RASGRP1: variants seen among roughly 807,000 people sequenced by gnomAD.
The protein encoded by RASGRP1 is RAS guanyl-releasing protein 1.
Under a neutral mutation model 95.1 loss-of-function variants are expected in RASGRP1, and 37 were observed. The observed-to-expected ratio is 0.39, with a 90% CI of 0.30 to 0.51. The LOEUF is 0.51. Ranked by LOEUF, RASGRP1 falls within the 20% of genes least tolerant of loss-of-function variation. The pLI is 0.80. For missense variants in RASGRP1, 711 were observed against 965.4 expected (o/e 0.74, Z 3.49); for synonymous variants, 325 against 353.4 (o/e 0.92, Z 0.90).
intron 3 of RASGRP1, among the ~76,000 whole-genome samples, chr15:38,522,274 C>T (rs989393585): frequency 6.6e-6 from 1 of 152,110 alleles, no homozygotes; most frequent in Non-Finnish European, 1.5e-5. Context: ...TTTTTCAGTA[C>T]CCTTGCAATC....
intron 13 of RASGRP1, among the ~76,000 whole-genome samples, chr15:38,500,845 G>A (rs1452363374): frequency 1.4e-4 from 22 of 152,182 alleles, no homozygotes; most frequent in Admixed American, 1.3e-3. Context: ...TATCTCATAT[G>A]TCTTTGTTAT....
At chr15:38,500,725 C>T (rs1890980599) in intron 13 of RASGRP1, among the ~76,000 whole-genome samples, 1 of 152,066 alleles carries the variant, frequency 6.6e-6, no homozygotes, top group Non-Finnish European at 1.5e-5. Context: ...GGACTCCAAA[C>T]TGAGAAGGAT....
At chr15:38,513,367 T>C (rs115088209) in intron 6 of RASGRP1, among the ~76,000 whole-genome samples, 2 of 152,320 alleles carry the variant, frequency 1.3e-5, no homozygotes, top group African/African-American at 4.8e-5. Flanking sequence ...TCCCCAGCTG[T>C]TTTCTTACCT....
At chr15:38,502,464 G>C in intron 11 of RASGRP1, 43 bp from the exon 12 acceptor site, 4 of 1,228,480 alleles carry the variant, frequency 3.3e-6, no homozygotes, top group Non-Finnish European at 4.7e-6. Context: ...AAGAGAAACC[G>C]GTCTTCTCTC....
In RASGRP1 at chr15:38,503,199, C is replaced by G. The variant is rs1175664956; in HGVS notation, c.1428+73G>C. On this transcript the variant is annotated intron_variant, in intron 11 of 16. Transcript: ENST00000310803. Reference sequence around the variant, plus strand: ...TACATTTCCACCATTGTGCTTTCCTCTCCCTTTACCCCACATACAAAACTG... The same window carrying G: ...TACATTTCCACCATTGTGCTTTCCTGTCCCTTTACCCCACATACAAAACTG... 59 of 1,224,204 alleles carry G rather than the reference C, an allele frequency of 4.8e-5. 1 individual carries two copies. In the East Asian group the frequency reaches 1.4e-3, roughly 30 times the overall value. 75.8% of individuals were successfully genotyped at this position (1,224,204 alleles called of 1,614,324 possible). A position where few individuals can be genotyped will look rare whatever the true frequency, so the allele number is the denominator to read the frequency against.
intron 6 of RASGRP1, among the ~76,000 whole-genome samples, chr15:38,514,857 TTC>T (rs1891695815): frequency 6.6e-6 from 1 of 152,146 alleles, no homozygotes. Context: ...GAGCTCAGAT[TTC>T]CTGTGTGATA....
intron 2 of RASGRP1, chr15:38,534,402 T>C (rs1367891542): frequency 6.6e-6 from 1 of 152,012 alleles, no homozygotes; most frequent in Admixed American, 6.5e-5. Context: ...CAGCCTGCCA[T>C]ATAGTTAGAC....
chr15:38,548,057 T>C (rs1433450340), intron 2 of RASGRP1, among the ~76,000 whole-genome samples: 3 of 151,752 alleles, frequency 2.0e-5, no homozygotes, highest in African/African-American at 7.3e-5. Flanking sequence ...TGACACGAGA[T>C]GTCAAGTACA....
intron 2 of RASGRP1, among the ~76,000 whole-genome samples, 166 bp from the exon 3 acceptor site, chr15:38,526,570 A>G (rs1030043017): frequency 2.6e-5 from 4 of 152,042 alleles, no homozygotes; most frequent in East Asian, 1.9e-4. Context: ...CTCCTGCTAC[A>G]TTCTTCCCTT....
intron 2 of RASGRP1, among the ~76,000 whole-genome samples, chr15:38,559,527 G>A (rs1219057141): frequency 1.3e-5 from 2 of 152,168 alleles, no homozygotes; most frequent in Non-Finnish European, 2.9e-5. Context: ...AGCACCAGAT[G>A]CACAATATCA....
intron 8 of RASGRP1, among the ~76,000 whole-genome samples, chr15:38,511,337 C>G (rs1360320020): frequency 6.6e-6 from 1 of 152,146 alleles, no homozygotes; most frequent in East Asian, 1.9e-4. Flanking sequence ...GGCCTATGAA[C>G]ATGGGAAGAG....
intron 1 of RASGRP1, 104 bp from the exon 2 acceptor site, chr15:38,560,109 C>T (rs1391364076): frequency 2.7e-6 from 3 of 1,116,466 alleles, no homozygotes; most frequent in East Asian, 2.6e-5. Flanking sequence ...ATCTCAGGAG[C>T]TGGGCTGATA....
chr15:38,491,862 C>A (rs1890597924), intron 16 of RASGRP1, among the ~76,000 whole-genome samples: 1 of 152,168 alleles, frequency 6.6e-6, no homozygotes. Flanking sequence ...AGTAGGAATT[C>A]TAATCTTTCT....
At chr15:38,518,481 G>T (rs989474369) in intron 4 of RASGRP1, 58 bp from the exon 5 acceptor site, 5 of 1,548,086 alleles carry the variant, frequency 3.2e-6, no homozygotes, top group Non-Finnish European at 4.4e-6. Flanking sequence ...CTCACAATTT[G>T]TTGGGTTCCA....
chr15:38,515,110 T>C (rs1891707830), intron 6 of RASGRP1, among the ~76,000 whole-genome samples: 1 of 152,212 alleles, frequency 6.6e-6, no homozygotes, highest in Non-Finnish European at 1.5e-5. Context: ...AATGAAAATG[T>C]AAAATAACCT....
chr15:38,531,210 A>G (rs1007811850), intron 2 of RASGRP1, among the ~76,000 whole-genome samples: 2 of 152,240 alleles, frequency 1.3e-5, no homozygotes, highest in Non-Finnish European at 2.9e-5. Flanking sequence ...TAGAGAGATT[A>G]GGTAATTTGT....
chr15:38,537,295 G>T (rs1187370515), intron 2 of RASGRP1, among the ~76,000 whole-genome samples: 1 of 152,162 alleles, frequency 6.6e-6, no homozygotes, highest in Non-Finnish European at 1.5e-5. Context: ...TCAAGGTTCT[G>T]CAGGCTGAAT....
intron 9 of RASGRP1, among the ~76,000 whole-genome samples, chr15:38,507,496 A>G (rs1891308171): frequency 6.6e-6 from 1 of 152,190 alleles, no homozygotes; most frequent in African/African-American, 2.4e-5. Context: ...CACAGTCTCT[A>G]GAGTCCCACC....
intron 2 of RASGRP1, among the ~76,000 whole-genome samples, chr15:38,556,486 A>T (rs1893557142): frequency 1.3e-5 from 2 of 152,238 alleles, no homozygotes; most frequent in Non-Finnish European, 2.9e-5. Flanking sequence ...TTTAAGCAAT[A>T]CTCAGACTCT....
Sources: allele counts gnomAD v4.1 joint callset (sites outside exome capture counted in the v4.1 genomes callset), GRCh38; gene constraint gnomAD v4.1.1; transcripts MANE v1.5; gene names NCBI Gene and HGNC (gene_info 2026-07-23, HGNC 2026-07-21).